KIAA0930: variants seen among roughly 807,000 people sequenced by gnomAD.
KIAA0930 encodes KIAA0930, also known as uncharacterized protein KIAA0930.
A neutral mutation model predicts 43.9 loss-of-function variants in KIAA0930; 24 were observed. The observed-to-expected ratio is 0.55, with a 90% CI of 0.40 to 0.77. KIAA0930 has a LOEUF of 0.77. KIAA0930 is among the 30% of genes least tolerant of loss of function. The pLI, the probability that KIAA0930 is intolerant of heterozygous loss-of-function variation, is 0.00. For synonymous variants in KIAA0930, 259 were observed against 216.4 expected (o/e 1.20, Z -1.73); for missense variants, 461 against 574.2 (o/e 0.80, Z 2.02).
In KIAA0930 at chr22:45,197,205, C is replaced by G. The variant is rs945738121; in HGVS notation, c.1186G>C (p.Val396Leu). ...GTCATCAGGATGGGCTTCTGCCGAACTTCCAGGATGTCTAGGGCCGGCAGG... is the reference window on the plus strand; with the variant it reads ...GTCATCAGGATGGGCTTCTGCCGAAGTTCCAGGATGTCTAGGGCCGGCAGG... The part of the protein sequence containing the change: ...LHRILTDILE[V>L]RQKPILMT Residue 396 changes from valine to leucine, a missense_variant, in exon 10 of 10, where the codon GTT becomes CTT. By Grantham distance (32) the Val-to-Leu change is conservative. Coordinates refer to ENST00000336156, the MANE Select transcript of KIAA0930 (RefSeq NM_001009880.2). The G allele has an allele frequency of 1.1e-5, 17 of 1,550,372 alleles. No individual in the cohort carries two copies. The highest frequency in any genetic ancestry group is 1.4e-5 in the Non-Finnish European group (16 of 1,146,454).
At chr22:45,223,455 C>T (rs1391459104) in intron 1 of KIAA0930, among the ~76,000 whole-genome samples, 1 of 152,210 alleles carries the variant, frequency 6.6e-6, no homozygotes, top group Non-Finnish European at 1.5e-5. Context: ...CCTCCTGGTG[C>T]CTGTTTCCTG....
chr22:45,205,779 A>ACCCCC lies in KIAA0930; in HGVS notation c.336+13_336+14insGGGGG. ...ACAGGGCCAATCCGCAGCCCCACCC[A>ACCCCC]TCCCACCCCATACCTTCTGCAGGAT... On this transcript the variant is annotated intron_variant, in intron 3 of 9. Coordinates refer to ENST00000336156, the MANE Select transcript of KIAA0930 (RefSeq NM_001009880.2). 17 of 339,726 alleles carry ACCCCC rather than the reference A, an allele frequency of 5.0e-5. No individual in the cohort carries two copies. Among genetic ancestry groups the ACCCCC allele is most frequent in the South Asian group, 2.1e-4 (7 of 33,306 alleles). 21.0% of individuals were successfully genotyped at this position (339,726 alleles called of 1,614,324 possible). A position where few individuals can be genotyped will look rare whatever the true frequency, so the allele number is the denominator to read the frequency against.
At chr22:45,212,425 C>A in intron 1 of KIAA0930, 1 of 1,516,418 alleles carries the variant, frequency 6.6e-7, no homozygotes, top group Non-Finnish European at 8.9e-7. Flanking sequence ...CCCGAGGAGC[C>A]AGGAACGCCA....
chr22:45,202,059 A>AAAAG (rs2083593768), intron 7 of KIAA0930, among the ~76,000 whole-genome samples: 1 of 151,734 alleles, frequency 6.6e-6, no homozygotes. Flanking sequence ...CTTGGAGAGG[A>AAAAG]AAAGAGACAC....
At position 45,194,099 on chromosome 22, in the gene KIAA0930, A is replaced by C. The variant is rs1325524796; in HGVS notation, c.*3077T>G. On this transcript the variant is annotated 3_prime_UTR_variant, in exon 10 of 10. Transcript: ENST00000336156. ...TTTTTTTTTTTTTTTTTTGAGACAG[A>C]GTTTCGCTCTCGTTGCCCAGGCTAG... 1.2e-5 allele frequency: 1 copy of C among 86,240 alleles called. No homozygotes were observed. Among genetic ancestry groups the C allele is most frequent in the East Asian group, 4.8e-4 (1 of 2,090 alleles). 5.3% of individuals were successfully genotyped at this position (86,240 alleles called of 1,614,324 possible).
intron 7 of KIAA0930, among the ~76,000 whole-genome samples, chr22:45,202,015 C>T (rs2083593461): frequency 6.6e-6 from 1 of 152,236 alleles, no homozygotes; most frequent in Non-Finnish European, 1.5e-5. Flanking sequence ...GAGCAGGTAT[C>T]CTCGTGCCCT....
chr22:45,220,979 C>G (rs771552392), intron 1 of KIAA0930, among the ~76,000 whole-genome samples: 1 of 151,734 alleles, frequency 6.6e-6, no homozygotes, highest in Non-Finnish European at 1.5e-5. Context: ...TCACTGGTCT[C>G]TGCGTTTCCA....
chr22:45,237,528 C>T (rs1430291184), intron 1 of KIAA0930, among the ~76,000 whole-genome samples: 1 of 152,242 alleles, frequency 6.6e-6, no homozygotes, highest in African/African-American at 2.4e-5. Context: ...ATCTCAGAGA[C>T]AGACACTGAC....
chr22:45,196,870 G>A lies in KIAA0930; in HGVS notation c.*306C>T, dbSNP rs760537185. The A allele has an allele frequency of 1.9e-5, 7 of 376,032 alleles. No homozygotes were observed. The highest frequency in any genetic ancestry group is 1.1e-4 in the South Asian group (2 of 17,686). 23.3% of individuals were successfully genotyped at this position (376,032 alleles called of 1,614,324 possible). A position where few individuals can be genotyped will look rare whatever the true frequency, so the allele number is the denominator to read the frequency against. ...GCTCTGGGCATCAGCTGCTCCTTCC[G>A]CTCTCTCTCATGGCCGCTCGGCATC... On this transcript the variant is annotated 3_prime_UTR_variant, in exon 10 of 10. Transcript: ENST00000336156. This position sits in a 1 kb window ranked among gnomAD's most constrained non-coding sequence, Gnocchi z 4.1.
rs1327415984 is a variant in KIAA0930, at chr22:45,237,310, C to G, written c.64+3330G>C. ...CAGTGACCTGTGCTCCTGGCTGTCT[C>G]CCCCATGGACTGTGCCCTCCCACAA... is the stretch of plus-strand genomic sequence containing the variant. On this transcript the variant is annotated intron_variant, in intron 1 of 9. Transcript: ENST00000336156. Among the ~76,000 whole-genome samples, 3 of 152,350 alleles carry G rather than the reference C, an allele frequency of 2.0e-5. No individual in the cohort carries two copies. In the South Asian group the frequency reaches 6.2e-4, roughly 32 times the overall value.
intron 1 of KIAA0930, among the ~76,000 whole-genome samples, chr22:45,217,956 C>T (rs964514294): frequency 2.6e-5 from 4 of 152,092 alleles, no homozygotes; most frequent in Non-Finnish European, 4.4e-5. Flanking sequence ...GGGGAGAGGG[C>T]GCGTGGGAAG....
chr22:45,202,635 T>A (rs202207044), intron 7 of KIAA0930: 2 of 196,542 alleles, frequency 1.0e-5, no homozygotes, highest in African/African-American at 4.6e-5. Flanking sequence ...CGGGCCTGGG[T>A]CCCCAGCCAG....
chr22:45,230,241 C>A (rs1048521939), intron 1 of KIAA0930, among the ~76,000 whole-genome samples: 28 of 152,154 alleles, frequency 1.8e-4, no homozygotes, highest in African/African-American at 6.0e-4. Context: ...ACAGGGCGGG[C>A]AGCGAGTCAC....
At chr22:45,233,802 G>A (rs984599961) in intron 1 of KIAA0930, among the ~76,000 whole-genome samples, 1 of 152,176 alleles carries the variant, frequency 6.6e-6, no homozygotes, top group Non-Finnish European at 1.5e-5. Flanking sequence ...ATCCCTGTAA[G>A]ACACGGGCTA....
chr22:45,232,893 G>A (rs927599642), intron 1 of KIAA0930, among the ~76,000 whole-genome samples: 3 of 152,154 alleles, frequency 2.0e-5, no homozygotes, highest in African/African-American at 7.2e-5. Flanking sequence ...CTTTGACTCA[G>A]GGGCACAGGT....
In KIAA0930 at chr22:45,202,904, TC is replaced by T. The variant is rs997531250; in HGVS notation, c.852+85del. On this transcript the variant is annotated intron_variant, in intron 7 of 9. Transcript: ENST00000336156. ...GTGGTTGGGGATGACAACACCTATG[TC>T]CCCAGGGGGCCGTGAGCACGGGGGA... is the stretch of plus-strand genomic sequence containing the variant. The T allele has an allele frequency of 3.5e-6, 4 of 1,157,546 alleles. No homozygotes were observed. The Admixed American group carries it at 7.7e-5, about 22-fold the overall frequency. 71.7% of individuals were successfully genotyped at this position (1,157,546 alleles called of 1,614,324 possible).
rs2083572738 is a variant in KIAA0930, at chr22:45,199,986, G to A, written c.902C>T (p.Ala301Val). 6.2e-7 allele frequency: 1 copy of A among 1,608,778 alleles called. No homozygotes were observed. Among genetic ancestry groups the A allele is most frequent in the South Asian group, 1.1e-5 (1 of 90,438 alleles). ...PPTPERNNRP[A>V]FFSPSLKRKV... ...CCTCTTGAGGGATGGGGAGAAGAAG[G>A]CAGGCCGGTTGTTCCGTTCTGGGGT... is the stretch of plus-strand genomic sequence containing the variant. The change falls in exon 8 of 10, where the codon GCC (alanine) becomes GTC (valine). Residue 301 changes from alanine (A) to valine (V), a missense_variant. Coordinates refer to ENST00000336156, the MANE Select transcript of KIAA0930 (RefSeq NM_001009880.2).
intron 1 of KIAA0930, among the ~76,000 whole-genome samples, chr22:45,216,037 AC>A (rs1569078855): frequency 1.3e-5 from 2 of 151,078 alleles, no homozygotes; most frequent in African/African-American, 4.9e-5. Context: ...CAAAAAAAAA[AC>A]AAAAGAAAGG....
chr22:45,203,018 G>T lies in KIAA0930; in HGVS notation c.824C>A (p.Ser275Tyr), dbSNP rs750081075. Reference protein sequence around the residue: ...DTSPCGTEEDSSPASPMHERV... With the variant: ...DTSPCGTEEDYSPASPMHERV... ...CTCGTGCATGGGCGAAGCTGGGCTGGAGTCCTCTTCAGTCCCACAGGGGGA... is the reference window on the plus strand; with the variant it reads ...CTCGTGCATGGGCGAAGCTGGGCTGTAGTCCTCTTCAGTCCCACAGGGGGA... Residue 275 changes from serine to tyrosine, a missense_variant, in exon 7 of 10, where the codon TCC becomes TAC. Transcript: ENST00000336156. 30 of 1,612,268 alleles carry T rather than the reference G, an allele frequency of 1.9e-5. No individual in the cohort carries two copies. In the Admixed American group the frequency reaches 4.7e-4, roughly 25 times the overall value.
Sources: gnomAD v4.1 joint callset for allele counts (sites outside exome capture counted in the v4.1 genomes callset) on GRCh38, gnomAD v4.1.1 for gene constraint, Gnocchi (gnomAD v3.1) non-coding constraint, MANE v1.5 for transcripts, NCBI Gene and HGNC (gene_info 2026-07-23, HGNC 2026-07-21) for gene names.